ERBB2: variants seen among roughly 807,000 people sequenced by gnomAD.
The protein encoded by ERBB2 is erb-b2 receptor tyrosine kinase 2.
Under a neutral mutation model 149.0 loss-of-function variants are expected in ERBB2, and 61 were observed. That is an observed-to-expected ratio of 0.41 (90% CI 0.33 to 0.51). ERBB2 has a LOEUF of 0.51. Among genes scored for constraint, ERBB2 ranks in the 20% least tolerant of loss-of-function variants. ERBB2 has a pLI of 0.25. For synonymous variants in ERBB2, 633 were observed against 678.8 expected (o/e 0.93, Z 1.05); for missense variants, 1,205 against 1,655.1 (o/e 0.73, Z 4.72).
rs1316458656 is a variant in ERBB2 at position 39,723,106 on chromosome 17, G to A, written c.1947-213G>A. The stretch of plus-strand genomic sequence containing the variant: ...AGTATAGAGAATCTGGAGATGCGGA[G>A]AGGGTTCTGATTGCCTACAAGGAGT... On this transcript the variant is annotated intron_variant, in intron 16 of 26. Transcript: ENST00000269571. This position sits in a 1 kb window ranked among gnomAD's most constrained non-coding sequence, Gnocchi z 6.2. Among the ~76,000 whole-genome samples the A allele has an allele frequency of 2.0e-5, 3 of 152,212 alleles. No homozygotes were observed. Among genetic ancestry groups the A allele is most frequent in the Non-Finnish European group, 4.4e-5 (3 of 68,044 alleles).
Position 39,712,365 on chromosome 17 carries a change from A to G in ERBB2, c.1065A>G (p.Ala355=), listed in dbSNP as rs190567339. 52 of 1,608,476 alleles carry G rather than the reference A, an allele frequency of 3.2e-5. No individual in the cohort carries two copies. The East Asian group carries it at 6.1e-4, about 19-fold the overall frequency. Reference sequence around the variant, plus strand: ...TGGAGCACTTGCGAGAGGTGAGGGCAGTTACCAGTGCCAATATCCAGGAGT... The same window carrying G: ...TGGAGCACTTGCGAGAGGTGAGGGCGGTTACCAGTGCCAATATCCAGGAGT... ...LGMEHLREVR[A]VTSANIQEFA... The change falls in exon 9 of 27, where the codon GCA becomes GCG. Residue 355 remains alanine (A), a synonymous_variant. Transcript: ENST00000269571.
intron 10 of ERBB2, 38 bp downstream of exon 10, chr17:39,715,397 G>A (rs368758298): frequency 1.2e-6 from 2 of 1,613,510 alleles, no homozygotes; most frequent in African/African-American, 1.3e-5. Flanking sequence ...GCAGGGGCTG[G>A]GAGTCCTTGT....
Position 39,709,849 on chromosome 17 carries a change from G to T in ERBB2, c.611G>T (p.Cys204Phe). 1 of 1,613,548 alleles carries T rather than the reference G, an allele frequency of 6.2e-7. No homozygotes were observed. The highest frequency in any genetic ancestry group is 8.5e-7 in the Non-Finnish European group (1 of 1,180,032). The change falls in exon 5 of 27, where the codon TGC becomes TTC. Residue 204 changes from cysteine to phenylalanine, a missense_variant. Around this residue, in one of 6 missense-constraint regions of ERBB2, gnomAD observed 569 missense variants for 803.5 expected, o/e 0.71. Coordinates refer to ENST00000269571, the MANE Select transcript of ERBB2 (RefSeq NM_004448.4). Reference sequence around the variant, plus strand: ...TCTCCGATGTGTAAGGGCTCCCGCTGCTGGGGAGAGAGTTCTGAGGATTGT... The same window carrying T: ...TCTCCGATGTGTAAGGGCTCCCGCTTCTGGGGAGAGAGTTCTGAGGATTGT... ...PCSPMCKGSR[C>F]WGESSEDCQS...
chr17:39,711,066 A>C lies in ERBB2; in HGVS notation c.901+585A>C, dbSNP rs549428236. Among the ~76,000 whole-genome samples, 14 of 152,088 alleles carry C rather than the reference A, an allele frequency of 9.2e-5. No individual in the cohort carries two copies. In the South Asian group the frequency reaches 2.7e-3, roughly 29 times the overall value. The stretch of plus-strand genomic sequence containing the variant: ...AGGCGCCCACCACCATGCCTCGCTA[A>C]ATTTTGTATTTTTAGTAGAGACAGG... On this transcript the variant is annotated intron_variant, in intron 7 of 26. Coordinates refer to ENST00000269571, the MANE Select transcript of ERBB2 (RefSeq NM_004448.4).
chr17:39,723,799 G>C lies in ERBB2; in HGVS notation c.2209-113G>C. On this transcript the variant is annotated intron_variant, in intron 18 of 26. Coordinates refer to ENST00000269571, the MANE Select transcript of ERBB2 (RefSeq NM_004448.4). The surrounding 1 kb of genome is among the most constrained non-coding windows in gnomAD (Gnocchi z 6.2). ...GGCAGTTACAGCGGAGAAGGGAGCG[G>C]GGCCAAGCCCTAGGGTGGTGAAGGA... The C allele has an allele frequency of 6.7e-7, 1 of 1,491,162 alleles. No individual in the cohort carries two copies. Among genetic ancestry groups the C allele is most frequent in the Non-Finnish European group, 9.2e-7 (1 of 1,089,352 alleles). 92.4% of individuals were successfully genotyped at this position (1,491,162 alleles called of 1,614,324 possible). A position where few individuals can be genotyped will look rare whatever the true frequency, so the allele number is the denominator to read the frequency against.
In ERBB2 at chr17:39,725,801, G is replaced by A. The variant is rs2059722773; in HGVS notation, c.2820G>A (p.Arg940=). The stretch of plus-strand genomic sequence containing the variant: ...CTGACCTGCTGGAAAAGGGGGAGCG[G>A]CTGCCCCAGCCCCCCATCTGCACCA... ...EIPDLLEKGE[R]LPQPPICTID... The change falls in exon 23 of 27, where the codon CGG becomes CGA. Residue 940 remains arginine, a synonymous_variant. Transcript: ENST00000269571. This position sits in a 1 kb window ranked among gnomAD's most constrained non-coding sequence, Gnocchi z 4.6. 1.2e-6 allele frequency: 2 copies of A among 1,613,620 alleles called. No individual in the cohort carries two copies. The highest frequency in any genetic ancestry group is 1.7e-6 in the Non-Finnish European group (2 of 1,179,850).
At position 39,712,052 on chromosome 17, in the gene ERBB2, C is replaced by G. The variant is rs368604946; in HGVS notation, c.1021+5C>G. The G allele has an allele frequency of 1.3e-5, 21 of 1,613,844 alleles. No individual in the cohort carries two copies. Among genetic ancestry groups the G allele is most frequent in the Non-Finnish European group, 1.8e-5 (21 of 1,179,970 alleles). Reference sequence around the variant, plus strand: ...GCAGCAAGCCCTGTGCCCGAGGTACCCACTCACTGCCCCCGAGGCCAGCTG... The same window carrying G: ...GCAGCAAGCCCTGTGCCCGAGGTACGCACTCACTGCCCCCGAGGCCAGCTG... On this transcript the variant is annotated splice_donor_5th_base_variant and intron_variant, in intron 8 of 26. Transcript: ENST00000269571.
chr17:39,709,763 T>G, intron 4 of ERBB2, 50 bp from the exon 5 acceptor site: 1 of 1,540,592 alleles, frequency 6.5e-7, no homozygotes, highest in Non-Finnish European at 8.9e-7. Context: ...TAACCCGTCC[T>G]CTCGCTGTTA....
upstream of ERBB2, among the ~76,000 whole-genome samples, chr17:39,694,299 A>ATGTG (rs1287942601): frequency 8.9e-5 from 5 of 56,294 alleles, no homozygotes; most frequent in African/African-American, 2.1e-4. Flanking sequence ...ACACATATAT[A>ATGTG]TGTGTATATA....
intron 19 of ERBB2, 93 bp from the exon 20 acceptor site, chr17:39,724,633 G>A: frequency 8.8e-7 from 1 of 1,132,824 alleles, no homozygotes; most frequent in South Asian, 1.4e-5. Flanking sequence ...CACAGGCTGT[G>A]GGCCATGGCT....
chr17:39,712,062 C>T lies in ERBB2; in HGVS notation c.1021+15C>T, dbSNP rs1567902167. ...CTGTGCCCGAGGTACCCACTCACTG[C>T]CCCCGAGGCCAGCTGCAGTTCCTGT... is the stretch of plus-strand genomic sequence containing the variant. On this transcript the variant is annotated intron_variant, in intron 8 of 26. Transcript: ENST00000269571. 1.9e-6 allele frequency: 3 copies of T among 1,613,620 alleles called. No homozygotes were observed. Among genetic ancestry groups the T allele is most frequent in the Non-Finnish European group, 2.5e-6 (3 of 1,179,854 alleles).
At chr17:39,702,223 C>T (rs941013602) in intron 1 of ERBB2, among the ~76,000 whole-genome samples, 2 of 152,176 alleles carry the variant, frequency 1.3e-5, no homozygotes, top group African/African-American at 2.4e-5. Flanking sequence ...TCACCTGAGC[C>T]CAGGAAGTTG....
chr17:39,716,606 G>A lies in ERBB2; in HGVS notation c.1737+1G>A, dbSNP rs2145689946. ...TGGCTCAGTGACCTGTTTTGGACCGGTGAGCTGCTGGCGGGCTCAGAGCTG... is the reference window on the plus strand; with the variant it reads ...TGGCTCAGTGACCTGTTTTGGACCGATGAGCTGCTGGCGGGCTCAGAGCTG... On this transcript the variant is annotated splice_donor_variant, in intron 14 of 26. Transcript: ENST00000269571. LOFTEE classifies it high-confidence loss of function. 6.2e-7 allele frequency: 1 copy of A among 1,613,854 alleles called. No individual in the cohort carries two copies. Among genetic ancestry groups the A allele is most frequent in the Non-Finnish European group, 8.5e-7 (1 of 1,179,868 alleles).
At chr17:39,724,142 G>A (rs572899044) in intron 19 of ERBB2, 132 bp downstream of exon 19, 19 of 636,184 alleles carry the variant, frequency 3.0e-5, no homozygotes, top group Admixed American at 8.8e-5. Context: ...TTTTGGAGAC[G>A]GAGTCTTGCT....
At position 39,723,485 on chromosome 17, in the gene ERBB2, C is replaced by T. The variant is rs778537251; in HGVS notation, c.2085+28C>T. The stretch of plus-strand genomic sequence containing the variant: ...GAGGCGGGGTGAAGTCCTCCCAGCC[C>T]GCGTGGGGTCTGCACCGGCCCCCGG... On this transcript the variant is annotated intron_variant, in intron 17 of 26. Transcript: ENST00000269571. The surrounding 1 kb of genome is among the most constrained non-coding windows in gnomAD (Gnocchi z 6.2). 8.7e-6 allele frequency: 14 copies of T among 1,613,748 alleles called. No homozygotes were observed. The highest frequency in any genetic ancestry group is 2.2e-5 in the East Asian group (1 of 44,884).
intron 19 of ERBB2, 91 bp from the exon 20 acceptor site, chr17:39,724,635 G>A (rs906268276): frequency 9.5e-6 from 11 of 1,163,696 alleles, no homozygotes; most frequent in Non-Finnish European, 1.3e-5. Flanking sequence ...CAGGCTGTGG[G>A]CCATGGCTGT....
chr17:39,701,156 T>G (rs868141003), intron 1 of ERBB2, among the ~76,000 whole-genome samples: 7 of 151,602 alleles, frequency 4.6e-5, no homozygotes, highest in South Asian at 2.1e-4. Context: ...GAAGGGTGAG[T>G]GGGGGCAGTG....
chr17:39,724,450 G>C (rs960301630), intron 19 of ERBB2, among the ~76,000 whole-genome samples: 8 of 151,722 alleles, frequency 5.3e-5, no homozygotes, highest in Non-Finnish European at 1.0e-4. Flanking sequence ...AGTAGAGATG[G>C]GATTTCACCA....
At position 39,723,206 on chromosome 17, in the gene ERBB2, C is replaced by T; in HGVS notation, c.1947-113C>T. The T allele has an allele frequency of 8.8e-7, 1 of 1,132,644 alleles. No homozygotes were observed. The highest frequency in any genetic ancestry group is 1.4e-5 in the South Asian group (1 of 69,734). The allele number at this position is 1,132,644 out of a possible 1,614,324, so 70.2% of individuals were successfully genotyped here. A position where few individuals can be genotyped will look rare whatever the true frequency, so the allele number is the denominator to read the frequency against. On this transcript the variant is annotated intron_variant, in intron 16 of 26. Transcript: ENST00000269571. This position sits in a 1 kb window ranked among gnomAD's most constrained non-coding sequence, Gnocchi z 6.2. ...GGAGAGGGTCCAAGCCTGTGGGTCA[C>T]CCTTCCGACTTCCCTTTCCGAATGC...
Sources: allele counts gnomAD v4.1 joint callset (sites outside exome capture counted in the v4.1 genomes callset), GRCh38; gene constraint gnomAD v4.1.1; regional missense constraint gnomAD v4.1.1; non-coding constraint Gnocchi (gnomAD v3.1); transcripts MANE v1.5; gene names NCBI Gene and HGNC (gene_info 2026-07-23, HGNC 2026-07-21).